JADE3: variants seen among roughly 807,000 people sequenced by gnomAD.
JADE3 encodes protein Jade-3.
JADE3 carries 2 observed loss-of-function variants against 50.1 expected under a neutral mutation model. The observed-to-expected ratio is 0.04, with a 90% CI of 0.02 to 0.13. The LOEUF (loss-of-function observed/expected upper bound fraction) is 0.13, where lower values mean the gene tolerates loss of function less well. JADE3 is among the 10% of genes least tolerant of loss of function. The pLI is 1.00. For missense variants in JADE3, 475 were observed against 634.4 expected (o/e 0.75, Z 2.70); for synonymous variants, 218 against 232.9 (o/e 0.94, Z 0.58).
intron 1 of JADE3, among the ~76,000 whole-genome samples, chrX:46,965,847 A>G (rs1438254263): frequency 9.0e-6 from 1 of 111,583 alleles, no homozygotes; most frequent in Non-Finnish European, 1.9e-5. Flanking sequence ...GGACCTTAAT[A>G]AAGATCCTAG....
intron 1 of JADE3, among the ~76,000 whole-genome samples, chrX:46,918,013 A>G (rs1327330843): frequency 2.7e-5 from 3 of 111,276 alleles, no homozygotes; most frequent in African/African-American, 9.8e-5. Context: ...AATAGAGGCA[A>G]TGTCTCTGGA....
intron 1 of JADE3, among the ~76,000 whole-genome samples, chrX:46,968,213 T>C (rs1927407278): frequency 8.9e-6 from 1 of 112,332 alleles, no homozygotes; most frequent in Admixed American, 9.4e-5. Context: ...ACTGCTCTTT[T>C]TATCATATAC....
chrX:46,989,931 T>C (rs1449393063), intron 3 of JADE3, among the ~76,000 whole-genome samples: 1 of 110,763 alleles, frequency 9.0e-6, no homozygotes. Context: ...TAATTTCTCT[T>C]GTTCATTGGT....
At chrX:46,956,160 G>A (rs1484589474) in intron 1 of JADE3, among the ~76,000 whole-genome samples, 1 of 111,753 alleles carries the variant, frequency 8.9e-6, no homozygotes, top group Non-Finnish European at 1.9e-5. Flanking sequence ...TGCCTCCCGG[G>A]TTCAAGTGAT....
rs1368407906 is a variant in JADE3 at position 46,990,384 on chromosome X, A to C, written c.126+4592A>C. On this transcript the variant is annotated intron_variant, in intron 3 of 10. Transcript: ENST00000614628. ...TCTACTACCTGTTGTAGAATTCCTG[A>C]GCTCCCCATCCTAGCTCTTTCACTC... Among the ~76,000 whole-genome samples the C allele has an allele frequency of 5.4e-5, 6 of 111,750 alleles. No individual in the cohort carries two copies. In the East Asian group the frequency reaches 1.7e-3, roughly 31 times the overall value.
Position 46,998,261 on chromosome X carries a change from C to T in JADE3, c.268C>T (p.Pro90Ser). The change falls in exon 4 of 11, where the codon CCA (proline) becomes TCA (serine). Residue 90 changes from proline (P) to serine (S), a missense_variant. Physicochemically the swap from Pro to Ser is moderately conservative, Grantham distance 74. Coordinates refer to ENST00000614628, the MANE Select transcript of JADE3 (RefSeq NM_014735.5). ...GGTACCAGCCAGTCCAGACACCGTT[C>T]CACAGCCTTCTCTCAGGTATTTGCA... ...VQVPASPDTV[P>S]QPSLRIIAEK... 1 of 1,207,454 alleles carries T rather than the reference C, an allele frequency of 8.3e-7. No individual in the cohort carries two copies. The highest frequency in any genetic ancestry group is 1.1e-6 in the Non-Finnish European group (1 of 893,199).
intron 1 of JADE3, among the ~76,000 whole-genome samples, chrX:46,926,512 C>T (rs1000325839): frequency 8.9e-6 from 1 of 112,229 alleles, no homozygotes; most frequent in Non-Finnish European, 1.9e-5. Context: ...TCCCAAAGTG[C>T]TGGGATTACA....
At chrX:46,956,736 CT>C (rs1927127575) in intron 1 of JADE3, among the ~76,000 whole-genome samples, 1 of 109,354 alleles carries the variant, frequency 9.1e-6, no homozygotes, top group African/African-American at 3.3e-5. Flanking sequence ...TCCTTCCTTC[CT>C]TTTTTCTTTT....
At chrX:47,044,111 C>G (rs1468822180) in intron 8 of JADE3, among the ~76,000 whole-genome samples, 1 of 111,290 alleles carries the variant, frequency 9.0e-6, no homozygotes, top group Non-Finnish European at 1.9e-5. Context: ...AAAGTTTATT[C>G]AAAGGGATAA....
At chrX:47,030,317 C>G (rs1397182735) in intron 6 of JADE3, among the ~76,000 whole-genome samples, 1 of 111,338 alleles carries the variant, frequency 9.0e-6, no homozygotes, top group Non-Finnish European at 1.9e-5. Flanking sequence ...GTCTTAAAAA[C>G]GATTCCGGTA....
At chrX:47,033,824 C>T in intron 7 of JADE3, 36 bp downstream of exon 7, 1 of 1,079,146 alleles carries the variant, frequency 9.3e-7, no homozygotes, top group Non-Finnish European at 1.2e-6. Flanking sequence ...ACCATTTGCT[C>T]CAGGGTGTCC....
intron 1 of JADE3, among the ~76,000 whole-genome samples, chrX:46,961,260 T>G (rs1309899882): frequency 8.9e-6 from 1 of 111,887 alleles, no homozygotes; most frequent in Non-Finnish European, 1.9e-5. Context: ...ACTTAGTTCC[T>G]CCTTGGCTGT....
At chrX:47,004,870 A>G (rs1228189872) in intron 4 of JADE3, among the ~76,000 whole-genome samples, 1 of 112,623 alleles carries the variant, frequency 8.9e-6, no homozygotes, top group African/African-American at 3.2e-5. Flanking sequence ...GGCTCATAGT[A>G]TTCCCTGTGT....
intron 5 of JADE3, among the ~76,000 whole-genome samples, chrX:47,025,483 C>T (rs1350268288): frequency 1.8e-5 from 2 of 111,989 alleles, no homozygotes; most frequent in African/African-American, 3.2e-5. Flanking sequence ...GCTACTTCCA[C>T]GGAGTTCTAG....
At chrX:47,010,191 T>A (rs1233060531) in intron 4 of JADE3, among the ~76,000 whole-genome samples, 4 of 111,408 alleles carry the variant, frequency 3.6e-5, no homozygotes, top group Non-Finnish European at 7.5e-5. Flanking sequence ...TTCTTAGATT[T>A]TTTTAAGTGA....
At chrX:47,034,850 G>A (rs1184094930) in intron 7 of JADE3, among the ~76,000 whole-genome samples, 2 of 106,176 alleles carry the variant, frequency 1.9e-5, no homozygotes, top group African/African-American at 3.5e-5. Flanking sequence ...CTGACCTCAC[G>A]TGATCCACCT....
At chrX:47,042,015 A>G (rs1291953052) in intron 8 of JADE3, among the ~76,000 whole-genome samples, 6 of 106,957 alleles carry the variant, frequency 5.6e-5, no homozygotes, top group Non-Finnish European at 9.6e-5. Flanking sequence ...TTAAAGAGAG[A>G]CAGAGCCTTG....
intron 4 of JADE3, among the ~76,000 whole-genome samples, chrX:47,005,243 T>A (rs975704919): frequency 1.8e-5 from 2 of 111,147 alleles, no homozygotes; most frequent in Non-Finnish European, 1.9e-5. Flanking sequence ...ACCTTTTTTT[T>A]ATTATTTTAT....
At chrX:47,025,691 A>C (rs957813796) in intron 5 of JADE3, among the ~76,000 whole-genome samples, 2 of 112,288 alleles carry the variant, frequency 1.8e-5, no homozygotes, top group African/African-American at 6.5e-5. Context: ...ATCTGTTTTC[A>C]GTCTAAGCAG....
Sources: gnomAD v4.1 joint callset for allele counts (sites outside exome capture counted in the v4.1 genomes callset) on GRCh38, gnomAD v4.1.1 for gene constraint, MANE v1.5 for transcripts, NCBI Gene and HGNC (gene_info 2026-07-23, HGNC 2026-07-21) for gene names.